The following IQCM variants were observed in gnomAD, a reference collection of about 807,000 sequenced individuals.
The protein encoded by IQCM is IQ motif containing M, also known as IQ domain-containing protein M.
Under a neutral mutation model 57.6 loss-of-function variants are expected in IQCM, and 45 were observed. The observed-to-expected ratio is 0.78, with a 90% CI of 0.62 to 1.00. The LOEUF is 1.00. Ranked by LOEUF, IQCM falls within the 50% of genes least tolerant of loss-of-function variation. The pLI, the probability that IQCM is intolerant of heterozygous loss-of-function variation, is 0.00. For synonymous variants in IQCM, 148 were observed against 158.9 expected (o/e 0.93, Z 0.51); for missense variants, 468 against 511.6 (o/e 0.91, Z 0.82).
intron 9 of IQCM, among the ~76,000 whole-genome samples, chr4:149,566,818 G>T (rs1397614636): frequency 6.6e-6 from 1 of 152,114 alleles, no homozygotes; most frequent in African/African-American, 2.4e-5. Context: ...ATTTATAGAA[G>T]TGAACAATTT....
chr4:149,469,204 G>A (rs573592903), intron 12 of IQCM, among the ~76,000 whole-genome samples: 9 of 152,252 alleles, frequency 5.9e-5, no homozygotes, highest in South Asian at 2.1e-4. Context: ...TGAACCCACC[G>A]TAAAGAAGCT....
intron 7 of IQCM, among the ~76,000 whole-genome samples, chr4:149,623,991 G>C (rs1756576707): frequency 1.3e-5 from 2 of 152,096 alleles, no homozygotes; most frequent in African/African-American, 4.8e-5. Context: ...ACTGATATCT[G>C]ACTTTGTGTT....
chr4:149,373,627 T>C (rs535881468), intron 13 of IQCM, among the ~76,000 whole-genome samples: 4 of 152,286 alleles, frequency 2.6e-5, no homozygotes, highest in East Asian at 1.9e-4. Flanking sequence ...GGTATATGTG[T>C]GTATTTTATA....
chr4:149,796,795 G>A (rs913086038), intron 2 of IQCM, among the ~76,000 whole-genome samples: 1 of 152,104 alleles, frequency 6.6e-6, no homozygotes, highest in Non-Finnish European at 1.5e-5. Flanking sequence ...AATTCTCCCA[G>A]ATCTTGTCCA....
At chr4:149,598,745 T>C (rs909177807) in intron 8 of IQCM, among the ~76,000 whole-genome samples, 4 of 152,210 alleles carry the variant, frequency 2.6e-5, no homozygotes, top group African/African-American at 9.6e-5. Flanking sequence ...ACAGTATTAA[T>C]TGTTTCCAAG....
At chr4:149,629,685 G>C (rs1373657910) in intron 7 of IQCM, among the ~76,000 whole-genome samples, 1 of 151,872 alleles carries the variant, frequency 6.6e-6, no homozygotes, top group Admixed American at 6.6e-5. Context: ...GGCAATTTTA[G>C]AGGAAACACA....
chr4:149,668,981 T>C (rs1051263154), intron 7 of IQCM, among the ~76,000 whole-genome samples: 1 of 152,218 alleles, frequency 6.6e-6, no homozygotes, highest in South Asian at 2.1e-4. Context: ...CAGATGTTAT[T>C]ATTAACAACT....
intron 13 of IQCM, among the ~76,000 whole-genome samples, chr4:149,409,016 G>A (rs1204869017): frequency 1.3e-5 from 2 of 152,130 alleles, no homozygotes; most frequent in Non-Finnish European, 2.9e-5. Flanking sequence ...ACCAGGTAAA[G>A]TTACATAAAA....
intron 7 of IQCM, among the ~76,000 whole-genome samples, chr4:149,670,658 C>A (rs915124867): frequency 6.6e-6 from 1 of 152,004 alleles, no homozygotes; most frequent in Non-Finnish European, 1.5e-5. Context: ...CCCATGAATA[C>A]CTAGTTTATT....
At chr4:149,805,693 G>C (rs527475019) in intron 2 of IQCM, among the ~76,000 whole-genome samples, 1 of 151,930 alleles carries the variant, frequency 6.6e-6, no homozygotes, top group Non-Finnish European at 1.5e-5. Flanking sequence ...AGCATAAAAA[G>C]AATTTGCAAA....
chr4:149,603,973 T>A (rs1754551964), intron 8 of IQCM, among the ~76,000 whole-genome samples: 1 of 152,094 alleles, frequency 6.6e-6, no homozygotes, highest in African/African-American at 2.4e-5. Context: ...CCACCACTAC[T>A]GTTATTATTA....
intron 4 of IQCM, among the ~76,000 whole-genome samples, chr4:149,734,685 C>T (rs1766770998): frequency 6.6e-6 from 1 of 152,032 alleles, no homozygotes; most frequent in African/African-American, 2.4e-5. Flanking sequence ...CCTGTCTTCC[C>T]AAAGGCCCAA....
At chr4:149,397,119 A>C (rs996828653) in intron 13 of IQCM, among the ~76,000 whole-genome samples, 1 of 151,916 alleles carries the variant, frequency 6.6e-6, no homozygotes, top group Admixed American at 6.6e-5. Context: ...AGGAACCTCC[A>C]TGCCATTTTC....
intron 5 of IQCM, among the ~76,000 whole-genome samples, chr4:149,716,214 C>T (rs1410851365): frequency 1.3e-5 from 2 of 152,228 alleles, no homozygotes; most frequent in African/African-American, 4.8e-5. Flanking sequence ...CTGCCTTCAG[C>T]AACCCCCTTG....
At chr4:149,352,530 T>C (rs1728649706) in intron 13 of IQCM, among the ~76,000 whole-genome samples, 1 of 152,168 alleles carries the variant, frequency 6.6e-6, no homozygotes, top group Admixed American at 6.6e-5. Flanking sequence ...TTAAAGTATA[T>C]GGGAAGATGG....
At chr4:149,377,793 G>A (rs1265529766) in intron 13 of IQCM, among the ~76,000 whole-genome samples, 5 of 152,102 alleles carry the variant, frequency 3.3e-5, no homozygotes, top group African/African-American at 1.2e-4. Flanking sequence ...CATATTGGGA[G>A]TATTTAGCCC....
At chr4:149,524,046 A>T (rs1232908914) in intron 12 of IQCM, among the ~76,000 whole-genome samples, 1 of 152,160 alleles carries the variant, frequency 6.6e-6, no homozygotes, top group Non-Finnish European at 1.5e-5. Flanking sequence ...TGATAGATAA[A>T]TTCAAATAAC....
At chr4:149,755,503 T>C (rs567595420) in intron 2 of IQCM, among the ~76,000 whole-genome samples, 1 of 152,270 alleles carries the variant, frequency 6.6e-6, no homozygotes, top group African/African-American at 2.4e-5. Flanking sequence ...AATGTTCTTT[T>C]GTCAGATTCA....
chr4:149,353,453 A>G (rs1179594257), intron 13 of IQCM, among the ~76,000 whole-genome samples: 3 of 152,194 alleles, frequency 2.0e-5, no homozygotes, highest in African/African-American at 7.2e-5. Context: ...AAGGAAATGA[A>G]ATCACCACCT....
Sources: allele counts gnomAD v4.1 joint callset (sites outside exome capture counted in the v4.1 genomes callset), GRCh38; gene constraint gnomAD v4.1.1; transcripts MANE v1.5; gene names NCBI Gene and HGNC (gene_info 2026-07-23, HGNC 2026-07-21).